RTP3: variants seen among roughly 807,000 people sequenced by gnomAD.
RTP3 encodes the protein receptor-transporting protein 3.
RTP3 carries 2 observed loss-of-function variants against 6.2 expected under a neutral mutation model. The ratio of observed to expected loss-of-function variants is 0.32; its 90% CI spans 0.13 to 1.02. The LOEUF (loss-of-function observed/expected upper bound fraction) is 1.02, where lower values mean the gene tolerates loss of function less well. RTP3 is among the 50% of genes least tolerant of loss of function. The probability of loss-of-function intolerance (pLI) is 0.47; values close to 1 mark genes in which losing one functional copy is unlikely to be tolerated. For synonymous variants in RTP3, 106 were observed against 98.3 expected (o/e 1.08, Z -0.47); for missense variants, 252 against 280.8 (o/e 0.90, Z 0.73).
rs1451962066 is a variant in RTP3, at chr3:46,500,694, C to T, written c.494C>T (p.Pro165Leu). 17 of 1,613,660 alleles carry T rather than the reference C, an allele frequency of 1.1e-5. No individual in the cohort carries two copies. Among genetic ancestry groups the T allele is most frequent in the African/African-American group, 4.0e-5 (3 of 74,896 alleles). Reference sequence around the variant, plus strand: ...TGTCTGCAGGGCTTCTGTGCTGGGCCCATACAGGTTACAAGCCTCCCCCCA... The same window carrying T: ...TGTCTGCAGGGCTTCTGTGCTGGGCTCATACAGGTTACAAGCCTCCCCCCA... ...EACLQGFCAG[P>L]IQVTSLPPSQ... The change falls in exon 2 of 2, where the codon CCC becomes CTC. Residue 165 changes from proline (P) to leucine (L), a missense_variant. Physicochemically the swap from Pro to Leu is moderately conservative, Grantham distance 98. Coordinates refer to ENST00000296142, the MANE Select transcript of RTP3 (RefSeq NM_031440.2).
rs771229694 is a variant in RTP3, at chr3:46,500,404, G to C, written c.204G>C (p.Leu68=). ...GTAACTGGGCCTCTGCCCAAGTTCTGGTCCTTTTCCACATGAACTGGAGTG... is the reference window on the plus strand; with the variant it reads ...GTAACTGGGCCTCTGCCCAAGTTCTCGTCCTTTTCCACATGAACTGGAGTG... ...CSRNWASAQV[L]VLFHMNWSEE... The change falls in exon 2 of 2, where the codon CTG becomes CTC. Residue 68 remains leucine, a synonymous_variant. Coordinates refer to ENST00000296142, the MANE Select transcript of RTP3 (RefSeq NM_031440.2). 4 of 1,613,970 alleles carry C rather than the reference G, an allele frequency of 2.5e-6. No individual in the cohort carries two copies. The highest frequency in any genetic ancestry group is 4.5e-5 in the East Asian group (2 of 44,886).
At chr3:46,498,546 G>A (rs1471647793) in intron 1 of RTP3, among the ~76,000 whole-genome samples, 2 of 152,158 alleles carry the variant, frequency 1.3e-5, no homozygotes, top group African/African-American at 4.8e-5. Context: ...TGTGCCCCAT[G>A]CCTAGGGAGA....
In RTP3 at chr3:46,497,992, C is replaced by T. The variant is rs1341082709; in HGVS notation, c.-71C>T. 1 of 1,554,136 alleles carries T rather than the reference C, an allele frequency of 6.4e-7. No individual in the cohort carries two copies. Among genetic ancestry groups the T allele is most frequent in the Non-Finnish European group, 8.9e-7 (1 of 1,129,196 alleles). On this transcript the variant is annotated 5_prime_UTR_variant, in exon 1 of 2. Coordinates refer to ENST00000296142, the MANE Select transcript of RTP3 (RefSeq NM_031440.2). ...GTCCTTGCCCTCTGAAGTCAGAAAC[C>T]TCATCTCCCACTACAGACCTGCCAG...
Position 46,498,033 on chromosome 3 carries a change from G to A in RTP3, c.-30G>A, listed in dbSNP as rs2037391. The A allele has an allele frequency of 0.39, 628,429 of 1,612,188 alleles. 124,231 individuals carry two copies. The highest frequency in any genetic ancestry group is 0.48 in the East Asian group (21,402 of 44,830). ...GACCTGCCAGGGCCCAGGAGAGCTC[G>A]ACCCACCCAGGCACACCATAGCCCC... On this transcript the variant is annotated 5_prime_UTR_variant, in exon 1 of 2. Transcript: ENST00000296142.
intron 1 of RTP3, among the ~76,000 whole-genome samples, chr3:46,499,835 C>T (rs1181414208): frequency 6.6e-6 from 1 of 151,944 alleles, no homozygotes. Context: ...TCTAGGAGAA[C>T]CCTGGACACT....
rs960768485 is a variant in RTP3 at position 46,500,750 on chromosome 3, A to G, written c.550A>G (p.Lys184Glu). 12 of 1,613,986 alleles carry G rather than the reference A, an allele frequency of 7.4e-6. No individual in the cohort carries two copies. Among genetic ancestry groups the G allele is most frequent in the Non-Finnish European group, 1.0e-5 (12 of 1,180,012 alleles). Residue 184 changes from lysine (K) to glutamate (E), a missense_variant, in exon 2 of 2, where the codon AAG (lysine) becomes GAG (glutamate). Transcript: ENST00000296142. ...SQTPRVHSIYKVEEVVKPWAS... is the reference protein window; with the variant it reads ...SQTPRVHSIYEVEEVVKPWAS... ...GACCCCAAGAGTACACTCCATTTACAAGGTGGAGGAGGTAGTTAAGCCCTG... is the reference window on the plus strand; with the variant it reads ...GACCCCAAGAGTACACTCCATTTACGAGGTGGAGGAGGTAGTTAAGCCCTG...
At position 46,498,148 on chromosome 3, in the gene RTP3, C is replaced by A. The variant is rs372668361; in HGVS notation, c.86C>A (p.Pro29Gln). 2.5e-6 allele frequency: 4 copies of A among 1,614,206 alleles called. No homozygotes were observed. Among genetic ancestry groups the A allele is most frequent in the Admixed American group, 3.3e-5 (2 of 60,028 alleles). ...CCATGGCACAGGTGGACCCTGAGAC[C>A]AGACAAGGGCCTTCTTCCCAACGTC... is the stretch of plus-strand genomic sequence containing the variant. ...VKPWHRWTLR[P>Q]DKGLLPNVLK... Residue 29 changes from proline (P) to glutamine (Q), a missense_variant, in exon 1 of 2, where the codon CCA becomes CAA. Coordinates refer to ENST00000296142, the MANE Select transcript of RTP3 (RefSeq NM_031440.2).
chr3:46,500,306 C>G (rs751711748), intron 1 of RTP3, 50 bp from the exon 2 acceptor site: 22 of 1,532,044 alleles, frequency 1.4e-5, no homozygotes, highest in Middle Eastern at 4.9e-4. Context: ...GGCAGTTCCC[C>G]GTGATTTGGT....
intron 1 of RTP3, among the ~76,000 whole-genome samples, chr3:46,499,870 A>G (rs1703687234): frequency 6.6e-6 from 1 of 152,108 alleles, no homozygotes; most frequent in Admixed American, 6.5e-5. Flanking sequence ...CCAACCCATG[A>G]GTCTATAACT....
At position 46,500,839 on chromosome 3, in the gene RTP3, T is replaced by G. The variant is rs763866466; in HGVS notation, c.639T>G (p.Ile213Met). The G allele has an allele frequency of 4.3e-6, 7 of 1,609,590 alleles. No individual in the cohort carries two copies. Among genetic ancestry groups the G allele is most frequent in the Non-Finnish European group, 3.4e-6 (4 of 1,178,442 alleles). Residue 213 changes from isoleucine (I) to methionine (M), a missense_variant, in exon 2 of 2, where the codon ATT becomes ATG. Coordinates refer to ENST00000296142, the MANE Select transcript of RTP3 (RefSeq NM_031440.2). Reference sequence around the variant, plus strand: ...ACCACATCTGTAGGAACTTAAGCATTTTCTGCTGTTGTGTCATTCTCATTG... The same window carrying G: ...ACCACATCTGTAGGAACTTAAGCATGTTCTGCTGTTGTGTCATTCTCATTG... ...CQNHICRNLS[I>M]FCCCVILIVI... is the part of the protein sequence containing the mutation.
At position 46,500,614 on chromosome 3, in the gene RTP3, T is replaced by C. The variant is rs746080356; in HGVS notation, c.414T>C (p.Pro138=). ...GATTTCAGTTGATAGAGGAGGTTCC[T>C]ATGATCAAGGACATCTCTCTTGAAG... ...RGRFQLIEEV[P]MIKDISLEGP... The change falls in exon 2 of 2, where the codon CCT becomes CCC. Residue 138 remains proline (P), a synonymous_variant. Coordinates refer to ENST00000296142, the MANE Select transcript of RTP3 (RefSeq NM_031440.2). The C allele has an allele frequency of 2.2e-5, 35 of 1,614,076 alleles. No homozygotes were observed. Among genetic ancestry groups the C allele is most frequent in the Non-Finnish European group, 2.6e-5 (31 of 1,180,018 alleles).
In RTP3 at chr3:46,500,396, C is replaced by T. The variant is rs1240120204; in HGVS notation, c.196C>T (p.Gln66Ter). Residue 66 changes from glutamine (Q) to a stop codon, truncating the protein, a stop_gained, in exon 2 of 2, where the codon CAA becomes TAA. Transcript: ENST00000296142. LOFTEE classifies it low-confidence loss of function (END_TRUNC). Reference sequence around the variant, plus strand: ...CTGCTCTCGTAACTGGGCCTCTGCCCAAGTTCTGGTCCTTTTCCACATGAA... The same window carrying T: ...CTGCTCTCGTAACTGGGCCTCTGCCTAAGTTCTGGTCCTTTTCCACATGAA... ...SSCSRNWASA[Q>*]VLVLFHMNWS... 1.9e-6 allele frequency: 3 copies of T among 1,613,580 alleles called. No homozygotes were observed. The African/African-American group carries it at 4.0e-5, about 22-fold the overall frequency.
At chr3:46,498,373 TC>T (rs368925282) in intron 1 of RTP3, among the ~76,000 whole-genome samples, 156 bp downstream of exon 1, 43 of 152,338 alleles carry the variant, frequency 2.8e-4, no homozygotes, top group African/African-American at 1.0e-3. Context: ...TCATTAAAGA[TC>T]GTTTTTTCAC....
Position 46,500,542 on chromosome 3 carries a change from C to T in RTP3, c.342C>T (p.Ile114=), listed in dbSNP as rs957944160. 29 of 1,614,026 alleles carry T rather than the reference C, an allele frequency of 1.8e-5. No individual in the cohort carries two copies. Among genetic ancestry groups the T allele is most frequent in the East Asian group, 6.7e-5 (3 of 44,900 alleles). The part of the protein sequence containing the change: ...PEFTQENISR[I]LKNLVFRILK... ...TCACACAAGAGAACATCTCAAGGAT[C>T]CTGAAAAACCTGGTGTTCCGAATTC... The change falls in exon 2 of 2, where the codon ATC becomes ATT. Residue 114 remains isoleucine (I), a synonymous_variant. Transcript: ENST00000296142.
chr3:46,498,227 A>T lies in RTP3; in HGVS notation c.155+10A>T, dbSNP rs1703669914. On this transcript the variant is annotated intron_variant, in intron 1 of 1. Transcript: ENST00000296142. ...AGTGGACCTTCGCCAGGTGAGGGGG[A>T]ATGTGATGGTACACGTTCCAGAAAA... The T allele has an allele frequency of 6.2e-7, 1 of 1,614,130 alleles. No individual in the cohort carries two copies. Among genetic ancestry groups the T allele is most frequent in the African/African-American group, 1.3e-5 (1 of 75,044 alleles).
intron 1 of RTP3, among the ~76,000 whole-genome samples, chr3:46,500,033 C>T (rs1258147513): frequency 3.3e-5 from 5 of 152,238 alleles, no homozygotes; most frequent in African/African-American, 1.2e-4. Context: ...TGCCTTTTTA[C>T]ACCCACTGGG....
rs1421803274 is a variant in RTP3, at chr3:46,498,145, G to A, written c.83G>A (p.Arg28Lys). 6.2e-7 allele frequency: 1 copy of A among 1,614,224 alleles called. No homozygotes were observed. The highest frequency in any genetic ancestry group is 1.1e-5 in the South Asian group (1 of 91,082). The change falls in exon 1 of 2, where the codon AGA becomes AAA. Residue 28 changes from arginine to lysine, a missense_variant. By Grantham distance (26) the Arg-to-Lys change is conservative. Transcript: ENST00000296142. ...AAGCCATGGCACAGGTGGACCCTGA[G>A]ACCAGACAAGGGCCTTCTTCCCAAC... ...EVKPWHRWTL[R>K]PDKGLLPNVL...
Position 46,498,125 on chromosome 3 carries a change from A to G in RTP3, c.63A>G (p.Pro21=). ...AGGAGTTAATGCGGGAGGTGAAGCCATGGCACAGGTGGACCCTGAGACCAG... is the reference window on the plus strand; with the variant it reads ...AGGAGTTAATGCGGGAGGTGAAGCCGTGGCACAGGTGGACCCTGAGACCAG... ...MFQELMREVK[P]WHRWTLRPDK... is the part of the protein sequence containing the mutation. The change falls in exon 1 of 2, where the codon CCA becomes CCG. Residue 21 remains proline (P), a synonymous_variant. Coordinates refer to ENST00000296142, the MANE Select transcript of RTP3 (RefSeq NM_031440.2). The G allele has an allele frequency of 6.2e-7, 1 of 1,614,208 alleles. No individual in the cohort carries two copies. Among genetic ancestry groups the G allele is most frequent in the Non-Finnish European group, 8.5e-7 (1 of 1,180,040 alleles).
rs150984599 is a variant in RTP3 at position 46,500,844 on chromosome 3, G to T, written c.644G>T (p.Cys215Phe). The T allele has an allele frequency of 1.2e-6, 2 of 1,608,082 alleles. No homozygotes were observed. Among genetic ancestry groups the T allele is most frequent in the South Asian group, 2.2e-5 (2 of 89,598 alleles). ...ATCTGTAGGAACTTAAGCATTTTCT[G>T]CTGTTGTGTCATTCTCATTGTTATC... The part of the protein sequence containing the change: ...NHICRNLSIF[C>F]CCVILIVIVV... The change falls in exon 2 of 2, where the codon TGC (cysteine) becomes TTC (phenylalanine). Residue 215 changes from cysteine (C) to phenylalanine (F), a missense_variant. Cys to Phe is a radical substitution (Grantham distance 205, BLOSUM62 -2). Transcript: ENST00000296142.
Sources: allele counts gnomAD v4.1 joint callset (sites outside exome capture counted in the v4.1 genomes callset), GRCh38; gene constraint gnomAD v4.1.1; transcripts MANE v1.5; gene names NCBI Gene and HGNC (gene_info 2026-07-23, HGNC 2026-07-21).